The following SHISA7 variants were observed in gnomAD, a reference collection of about 807,000 sequenced individuals.
SHISA7 encodes the protein shisa family member 7.
A neutral mutation model predicts 23.9 loss-of-function variants in SHISA7; 6 were observed. The observed-to-expected ratio is 0.25, with a 90% CI of 0.14 to 0.50. The LOEUF (loss-of-function observed/expected upper bound fraction) is 0.50, where lower values mean the gene tolerates loss of function less well. SHISA7 is among the 20% of genes least tolerant of loss of function. The probability of loss-of-function intolerance (pLI) is 0.98; values close to 1 mark genes in which losing one functional copy is unlikely to be tolerated. For synonymous variants in SHISA7, 386 were observed against 398.3 expected, an observed-to-expected ratio of 0.97 and a Z score of 0.37; for missense variants, 671 against 801.1, an observed-to-expected ratio of 0.84 and a Z score of 1.96.
At chr19:55,435,083 G>GTA (rs1985398692) in intron 3 of SHISA7, among the ~76,000 whole-genome samples, 2 of 52,314 alleles carry the variant, frequency 3.8e-5, no homozygotes, top group African/African-American at 6.8e-5. Context: ...TGTGTGTGGT[G>GTA]TGTGTGGTGT....
In SHISA7 at chr19:55,435,144, GGT is replaced by G. The variant is rs1393218744; in HGVS notation, c.977-1350_977-1349del. ...TGTGGTGTGTGTGGTGTATGTGTAT[GGT>G]GTGTGTGTGTGGTGTGTGTGTATGG... On this transcript the variant is annotated intron_variant, in intron 3 of 3. Coordinates refer to ENST00000376325, the MANE Select transcript of SHISA7 (RefSeq NM_001145176.2). Among the ~76,000 whole-genome samples, 780 of 109,722 alleles carry G rather than the reference GGT, an allele frequency of 7.1e-3. 7 individuals are homozygous for G. The highest frequency in any genetic ancestry group is 0.024 in the African/African-American group (687 of 28,614). The allele number at this position is 109,722 out of a possible 152,430, so 72.0% of individuals were successfully genotyped here.
chr19:55,433,075 G>A lies in SHISA7; in HGVS notation c.*81C>T. 1.4e-6 allele frequency: 2 copies of A among 1,418,802 alleles called. No homozygotes were observed. The allele number at this position is 1,418,802 out of a possible 1,614,324, so 87.9% of individuals were successfully genotyped here. Reference sequence around the variant, plus strand: ...GGCCGATCTGGGCCCCAGGCCCCTGGCATGTGTGCGCCTGTGTCGGGGGAT... The same window carrying A: ...GGCCGATCTGGGCCCCAGGCCCCTGACATGTGTGCGCCTGTGTCGGGGGAT... On this transcript the variant is annotated 3_prime_UTR_variant, in exon 4 of 4. Transcript: ENST00000376325. The surrounding 1 kb of genome is among the most constrained non-coding windows in gnomAD (Gnocchi z 8.4).
intron 2 of SHISA7, among the ~76,000 whole-genome samples, chr19:55,439,558 T>C (rs1985546967): frequency 6.6e-6 from 1 of 152,180 alleles, no homozygotes; most frequent in South Asian, 2.1e-4. Flanking sequence ...AGCCTGGCGC[T>C]CAAGGCCCTC....
At chr19:55,439,904 C>G (rs556634082) in intron 2 of SHISA7, among the ~76,000 whole-genome samples, 12 of 152,240 alleles carry the variant, frequency 7.9e-5, no homozygotes, top group African/African-American at 2.9e-4. Flanking sequence ...CAGACCACAT[C>G]TTCTCAGTTC....
At position 55,432,934 on chromosome 19, in the gene SHISA7, C is replaced by T. The variant is rs1190530207; in HGVS notation, c.*222G>A. 11 of 570,442 alleles carry T rather than the reference C, an allele frequency of 1.9e-5. No homozygotes were observed. Among genetic ancestry groups the T allele is most frequent in the Admixed American group, 7.9e-5 (2 of 25,460 alleles). 35.3% of individuals were successfully genotyped at this position (570,442 alleles called of 1,614,324 possible). A position where few individuals can be genotyped will look rare whatever the true frequency, so the allele number is the denominator to read the frequency against. On this transcript the variant is annotated 3_prime_UTR_variant, in exon 4 of 4. Transcript: ENST00000376325. This position sits in a 1 kb window ranked among gnomAD's most constrained non-coding sequence, Gnocchi z 4.6. ...GCTAGTGATGACCTCATGAGCCGGC[C>T]TCTTCCTCTGGGATGACATCATGGG...
rs559880465 is a variant in SHISA7 at position 55,433,886 on chromosome 19, C to T, written c.977-90G>A. The T allele has an allele frequency of 1.3e-4, 165 of 1,292,350 alleles. No homozygotes were observed. Among genetic ancestry groups the T allele is most frequent in the Non-Finnish European group, 1.6e-4 (161 of 1,011,328 alleles). 80.1% of individuals were successfully genotyped at this position (1,292,350 alleles called of 1,614,324 possible). On this transcript the variant is annotated intron_variant, in intron 3 of 3. Transcript: ENST00000376325. This position sits in a 1 kb window ranked among gnomAD's most constrained non-coding sequence, Gnocchi z 8.4. ...CACCTCGTCACATCCCGCTCCTATG[C>T]TCCTTGTGCCCCCACAAGGATCCTG...
chr19:55,442,858 C>A lies in SHISA7; in HGVS notation c.6G>T (p.Pro2=). The A allele has an allele frequency of 1.5e-6, 2 of 1,376,042 alleles. No homozygotes were observed. Among genetic ancestry groups the A allele is most frequent in the Non-Finnish European group, 9.4e-7 (1 of 1,067,908 alleles). 85.2% of individuals were successfully genotyped at this position (1,376,042 alleles called of 1,614,324 possible). Reference sequence around the variant, plus strand: ...CCAGGAGTACGAGGAGCAGGAGGGCCGGCATGGGGCTTGCAGGGGGTCGCA... The same window carrying A: ...CCAGGAGTACGAGGAGCAGGAGGGCAGGCATGGGGCTTGCAGGGGGTCGCA... M[P]ALLLLVLLAS... Residue 2 remains proline, a synonymous_variant, in exon 1 of 4, where the codon CCG becomes CCT. Transcript: ENST00000376325.
At chr19:55,440,885 TC>T in intron 1 of SHISA7, 120 bp from the exon 2 acceptor site, 1 of 994,876 alleles carries the variant, frequency 1.0e-6, no homozygotes, top group Non-Finnish European at 1.3e-6. Flanking sequence ...CCTGCCTTTT[TC>T]GCCATTGGCC....
chr19:55,431,901 C>T lies in SHISA7; in HGVS notation c.*1255G>A, dbSNP rs926107591. On this transcript the variant is annotated 3_prime_UTR_variant, in exon 4 of 4. Coordinates refer to ENST00000376325, the MANE Select transcript of SHISA7 (RefSeq NM_001145176.2). ...GGCACAGATGTGGGATCCAAGGCCC[C>T]ATTTCCCCTCAGAGGGTCTGGCAGA... The T allele has an allele frequency of 1.3e-5, 2 of 152,190 alleles. No individual in the cohort carries two copies. The highest frequency in any genetic ancestry group is 2.9e-5 in the Non-Finnish European group (2 of 68,040). 9.4% of individuals were successfully genotyped at this position (152,190 alleles called of 1,614,324 possible).
In SHISA7 at chr19:55,433,001, A is replaced by G. The variant is rs1048834246; in HGVS notation, c.*155T>C. On this transcript the variant is annotated 3_prime_UTR_variant, in exon 4 of 4. Coordinates refer to ENST00000376325, the MANE Select transcript of SHISA7 (RefSeq NM_001145176.2). This position sits in a 1 kb window ranked among gnomAD's most constrained non-coding sequence, Gnocchi z 8.4. Reference sequence around the variant, plus strand: ...AAGCAGTGAAGTAATAGGAGGAGGAATCTTGTCTGCCAGGACATCCCAGAA... The same window carrying G: ...AAGCAGTGAAGTAATAGGAGGAGGAGTCTTGTCTGCCAGGACATCCCAGAA... 3 of 918,478 alleles carry G rather than the reference A, an allele frequency of 3.3e-6. No homozygotes were observed. Among genetic ancestry groups the G allele is most frequent in the African/African-American group, 3.6e-5 (2 of 56,152 alleles). 56.9% of individuals were successfully genotyped at this position (918,478 alleles called of 1,614,324 possible).
At chr19:55,442,042 C>T in intron 1 of SHISA7, 151 bp downstream of exon 1, 1 of 763,780 alleles carries the variant, frequency 1.3e-6, no homozygotes, top group Non-Finnish European at 2.0e-6. Context: ...ACTTTCTCAG[C>T]CCCTGCCCAC....
intron 3 of SHISA7, among the ~76,000 whole-genome samples, chr19:55,435,266 TGTGC>T (rs1985418515): frequency 7.6e-6 from 1 of 131,554 alleles, no homozygotes; most frequent in Non-Finnish European, 1.6e-5. Context: ...TGTGTATGTG[TGTGC>T]GTGTGTGCGT....
In SHISA7 at chr19:55,433,673, C is replaced by T; in HGVS notation, c.1100G>A (p.Gly367Asp). Residue 367 changes from glycine to aspartate, a missense_variant, in exon 4 of 4, where the codon GGC becomes GAC. Coordinates refer to ENST00000376325, the MANE Select transcript of SHISA7 (RefSeq NM_001145176.2). The surrounding 1 kb of genome is among the most constrained non-coding windows in gnomAD (Gnocchi z 8.4). ...TGGGYRMEAWGGPEELGLAPA... is the reference protein window; with the variant it reads ...TGGGYRMEAWDGPEELGLAPA... ...CGCCAGGCCCAGCTCCTCTGGGCCG[C>T]CCCAGGCCTCCATGCGATAGCCGCC... The T allele has an allele frequency of 6.7e-7, 1 of 1,485,224 alleles. No individual in the cohort carries two copies. The highest frequency in any genetic ancestry group is 8.9e-7 in the Non-Finnish European group (1 of 1,125,220). The allele number at this position is 1,485,224 out of a possible 1,614,324, so 92.0% of individuals were successfully genotyped here. A position where few individuals can be genotyped will look rare whatever the true frequency, so the allele number is the denominator to read the frequency against.
chr19:55,433,134 C>T lies in SHISA7; in HGVS notation c.*22G>A, dbSNP rs1375588993. ...GGACGGGGGGCCCGGGAGGCCGCAG[C>T]CCCCCAGACCCGGCCCTGGCCTCAG... On this transcript the variant is annotated 3_prime_UTR_variant, in exon 4 of 4. Transcript: ENST00000376325. This position sits in a 1 kb window ranked among gnomAD's most constrained non-coding sequence, Gnocchi z 8.4. 4.0e-6 allele frequency: 6 copies of T among 1,507,944 alleles called. No homozygotes were observed. Among genetic ancestry groups the T allele is most frequent in the South Asian group, 1.2e-5 (1 of 82,054 alleles). The allele number at this position is 1,507,944 out of a possible 1,614,324, so 93.4% of individuals were successfully genotyped here.
At chr19:55,436,779 C>T (rs532666142) in intron 3 of SHISA7, among the ~76,000 whole-genome samples, 23 of 152,064 alleles carry the variant, frequency 1.5e-4, no homozygotes, top group South Asian at 8.3e-4. Context: ...CATGGCAGCA[C>T]GAGCTCTTAG....
At position 55,430,968 on chromosome 19, in the gene SHISA7, G is replaced by C. The variant is rs1985178250; in HGVS notation, c.*2188C>G. On this transcript the variant is annotated 3_prime_UTR_variant, in exon 4 of 4. Transcript: ENST00000376325. ...TGGATCACAGGAGATGATGACACCA[G>C]GGTCATGGTGGATCCTAGTGGATGG... 1 of 151,296 alleles carries C rather than the reference G, an allele frequency of 6.6e-6. No homozygotes were observed. Among genetic ancestry groups the C allele is most frequent in the African/African-American group, 2.4e-5 (1 of 40,986 alleles). 9.4% of individuals were successfully genotyped at this position (151,296 alleles called of 1,614,324 possible). A position where few individuals can be genotyped will look rare whatever the true frequency, so the allele number is the denominator to read the frequency against.
chr19:55,435,136 ATGTGTATGGTGTGTGTGTGTGGTGTG>A (rs1985408257), intron 3 of SHISA7, among the ~76,000 whole-genome samples: 1 of 20,470 alleles, frequency 4.9e-5, no homozygotes, highest in Middle Eastern at 0.062. Context: ...TGTGTGGTGT[ATGTGTATGGTGTGTGTGTGTGGTGTG>A]TGTGTATGGT....
In SHISA7 at chr19:55,430,602, C is replaced by T. The variant is rs963848933; in HGVS notation, c.*2554G>A. The T allele has an allele frequency of 6.7e-6, 1 of 149,094 alleles. No homozygotes were observed. Among genetic ancestry groups the T allele is most frequent in the African/African-American group, 2.5e-5 (1 of 40,010 alleles). The allele number at this position is 149,094 out of a possible 1,614,324, so 9.2% of individuals were successfully genotyped here. ...GGTGACAACACTGGACCTCATGGAT[C>T]CTGGGAGATGATAACACCAGGGTCA... On this transcript the variant is annotated 3_prime_UTR_variant, in exon 4 of 4. Transcript: ENST00000376325.
Position 55,441,279 on chromosome 19 carries a change from C to T in SHISA7, c.672-514G>A, listed in dbSNP as rs529971141. On this transcript the variant is annotated intron_variant, in intron 1 of 3. Transcript: ENST00000376325. Reference sequence around the variant, plus strand: ...ATTGCAACAGCCCCCTCACGGGTCTCCCCACTCCCACCCTAGCCCCGTACA... The same window carrying T: ...ATTGCAACAGCCCCCTCACGGGTCTTCCCACTCCCACCCTAGCCCCGTACA... 3.9e-5 allele frequency among the ~76,000 whole-genome samples: 6 copies of T among 152,320 alleles called. No individual in the cohort carries two copies. In the South Asian group the frequency reaches 1.2e-3, roughly 32 times the overall value.
Sources: gnomAD v4.1 joint callset for allele counts (sites outside exome capture counted in the v4.1 genomes callset) on GRCh38, gnomAD v4.1.1 for gene constraint, Gnocchi (gnomAD v3.1) non-coding constraint, MANE v1.5 for transcripts, NCBI Gene and HGNC (gene_info 2026-07-23, HGNC 2026-07-21) for gene names.